MCM10: variants seen among roughly 807,000 people sequenced by gnomAD.
MCM10 encodes the protein minichromosome maintenance 10 replication initiation factor.
A neutral mutation model predicts 109.9 loss-of-function variants in MCM10; 91 were observed. The observed-to-expected ratio is 0.83, with a 90% CI of 0.70 to 0.99. MCM10 has a LOEUF of 0.99. MCM10 is among the 50% of genes least tolerant of loss of function. MCM10 has a pLI of 0.00. For missense variants in MCM10, 1,077 were observed against 1,061.2 expected (o/e 1.01, Z -0.21); for synonymous variants, 380 against 387.2 (o/e 0.98, Z 0.22).
At chr10:13,171,820 A>G (rs1039829515) in intron 3 of MCM10, among the ~76,000 whole-genome samples, 1 of 151,766 alleles carries the variant, frequency 6.6e-6, no homozygotes. Flanking sequence ...GCTGGAGTAC[A>G]GTGGTGCAAT....
At chr10:13,163,361 T>C (rs561314164) in intron 1 of MCM10, among the ~76,000 whole-genome samples, 10 of 152,298 alleles carry the variant, frequency 6.6e-5, no homozygotes, top group Admixed American at 5.2e-4. Flanking sequence ...AGTACCATAA[T>C]CACTGTAATT....
At chr10:13,181,109 G>GT (rs2131568887) in intron 7 of MCM10, among the ~76,000 whole-genome samples, 1 of 152,342 alleles carries the variant, frequency 6.6e-6, no homozygotes, top group Admixed American at 6.5e-5. Flanking sequence ...AAATGGGAAA[G>GT]TTATTCTGTG....
Position 13,204,994 on chromosome 10 carries a change from G to GTGTA in MCM10, c.2498+631_2498+632insGTAT, listed in dbSNP as rs1834553548. On this transcript the variant is annotated intron_variant, in intron 18 of 19. Transcript: ENST00000378714. ...TTTATTGTGCTTCTCATGTATGTAT[G>GTGTA]TATGTATGTATATATATATATATAT... Among the ~76,000 whole-genome samples, 3 of 123,382 alleles carry GTGTA rather than the reference G, an allele frequency of 2.4e-5. No individual in the cohort carries two copies. The Admixed American group carries it at 2.6e-4, about 10-fold the overall frequency. The allele number at this position is 123,382 out of a possible 152,430, so 80.9% of individuals were successfully genotyped here.
intron 17 of MCM10, among the ~76,000 whole-genome samples, chr10:13,203,233 G>A (rs571295682): frequency 6.6e-6 from 1 of 152,198 alleles, no homozygotes; most frequent in Non-Finnish European, 1.5e-5. Flanking sequence ...TCCTGCAGAC[G>A]GGGCTGCAGT....
rs149682135 is a variant in MCM10 at position 13,166,599 on chromosome 10, C to T, written c.7+2390C>T. 2.7e-4 allele frequency among the ~76,000 whole-genome samples: 40 copies of T among 146,956 alleles called. No individual in the cohort carries two copies. In the East Asian group the frequency reaches 7.6e-3, roughly 28 times the overall value. Reference sequence around the variant, plus strand: ...GCAGTGAGCCGAGATCGTGCCATTGCACTCCAGCCTGGGCAACAAGAGCAA... The same window carrying T: ...GCAGTGAGCCGAGATCGTGCCATTGTACTCCAGCCTGGGCAACAAGAGCAA... On this transcript the variant is annotated intron_variant, in intron 2 of 19. Transcript: ENST00000378714.
chr10:13,167,564 A>G (rs1427881685), intron 2 of MCM10, among the ~76,000 whole-genome samples: 1 of 145,342 alleles, frequency 6.9e-6, no homozygotes, highest in Non-Finnish European at 1.5e-5. Context: ...GGGTGATAAC[A>G]GTAGAGATGG....
At chr10:13,199,285 T>A (rs1434975774) in intron 16 of MCM10, among the ~76,000 whole-genome samples, 1 of 152,252 alleles carries the variant, frequency 6.6e-6, no homozygotes, top group African/African-American at 2.4e-5. Flanking sequence ...GAATTTCTAA[T>A]AAATTTTAGC....
chr10:13,207,854 T>A (rs987624674), intron 18 of MCM10, among the ~76,000 whole-genome samples: 3 of 152,150 alleles, frequency 2.0e-5, no homozygotes, highest in African/African-American at 7.2e-5. Context: ...GAGAACAGAC[T>A]AATGAGAACG....
At chr10:13,184,084 C>T (rs1235324146) in intron 8 of MCM10, among the ~76,000 whole-genome samples, 3 of 152,060 alleles carry the variant, frequency 2.0e-5, no homozygotes, top group Non-Finnish European at 4.4e-5. Flanking sequence ...TTTTGAACTC[C>T]TGACCTCAGG....
intron 2 of MCM10, among the ~76,000 whole-genome samples, chr10:13,170,678 TTTTGTTTG>T (rs747445575): frequency 4.6e-5 from 7 of 151,360 alleles, no homozygotes; most frequent in African/African-American, 1.5e-4. Flanking sequence ...TTTTTGTTTT[TTTTGTTTG>T]TTTGTTTGTT....
At chr10:13,208,566 CAAAA>C (rs55683228) in intron 18 of MCM10, among the ~76,000 whole-genome samples, 12,244 of 114,436 alleles carry the variant, frequency 0.11, 710 homozygotes, top group African/African-American at 0.2. Context: ...CCCATCTCTC[CAAAA>C]AAAAAAAAAA....
intron 2 of MCM10, among the ~76,000 whole-genome samples, chr10:13,167,013 C>T (rs1162574485): frequency 2.0e-5 from 3 of 152,008 alleles, no homozygotes; most frequent in African/African-American, 7.3e-5. Context: ...GTGGTGTGCA[C>T]CTCTAGTCCC....
chr10:13,197,691 G>C lies in MCM10; in HGVS notation c.2043G>C (p.Lys681Asn). The C allele has an allele frequency of 1.2e-6, 2 of 1,613,974 alleles. No homozygotes were observed. The highest frequency in any genetic ancestry group is 2.2e-5 in the South Asian group (2 of 91,078). The change falls in exon 15 of 20, where the codon AAG (lysine) becomes AAC (asparagine). Residue 681 changes from lysine (K) to asparagine (N), a missense_variant. Lys to Asn is a moderately conservative substitution (Grantham distance 94). Transcript: ENST00000378714. ...VLTKTNPNSI[K>N]KKQKDPQDIL... ...CAAAAACAAACCCAAACAGCATTAA[G>C]AAGAAACAAAAGGACCCTCAGGACA...
chr10:13,201,785 C>G (rs1834503726), intron 17 of MCM10: 3 of 452,336 alleles, frequency 6.6e-6, no homozygotes, highest in African/African-American at 4.0e-5. Flanking sequence ...TTGGATGGGT[C>G]CTAACATCTC....
intron 18 of MCM10, 198 bp downstream of exon 18, chr10:13,204,562 C>T (rs1465965889): frequency 1.7e-6 from 1 of 581,548 alleles, no homozygotes; most frequent in Admixed American, 3.1e-5. Context: ...GTCCCCAACA[C>T]CTAATATAGT....
At position 13,166,649 on chromosome 10, in the gene MCM10, A is replaced by ACATATATATATATAT. The variant is rs1554773845; in HGVS notation, c.7+2440_7+2441insCATATATATATATAT. Among the ~76,000 whole-genome samples, 8 of 41,510 alleles carry ACATATATATATATAT rather than the reference A, an allele frequency of 1.9e-4. 1 individual carries two copies. Among genetic ancestry groups the ACATATATATATATAT allele is most frequent in the African/African-American group, 5.4e-4 (7 of 12,896 alleles). 27.2% of individuals were successfully genotyped at this position (41,510 alleles called of 152,430 possible). A position where few individuals can be genotyped will look rare whatever the true frequency, so the allele number is the denominator to read the frequency against. ...AAACTCTGTCTCAAAAAAAAAAAAA[A>ACATATATATATATAT]ATACATACATACATATATATATATA... On this transcript the variant is annotated intron_variant, in intron 2 of 19. Coordinates refer to ENST00000378714, the MANE Select transcript of MCM10 (RefSeq NM_018518.5).
At chr10:13,187,288 G>A (rs189626211) in intron 9 of MCM10, among the ~76,000 whole-genome samples, 21 of 152,264 alleles carry the variant, frequency 1.4e-4, no homozygotes, top group African/African-American at 3.9e-4. Flanking sequence ...CAATTGATCC[G>A]TGCTGTAGCA....
At chr10:13,163,806 C>T (rs985264227) in intron 1 of MCM10, among the ~76,000 whole-genome samples, 1 of 152,176 alleles carries the variant, frequency 6.6e-6, no homozygotes, top group African/African-American at 2.4e-5. Flanking sequence ...GCTGGTATTA[C>T]AGGCGTTGAG....
chr10:13,190,511 C>T (rs368971214), intron 10 of MCM10, among the ~76,000 whole-genome samples: 3 of 121,438 alleles, frequency 2.5e-5, no homozygotes, highest in African/African-American at 9.2e-5. Flanking sequence ...TGGCAAAACC[C>T]CATCTCTACA....
Sources: gnomAD v4.1 joint callset for allele counts (sites outside exome capture counted in the v4.1 genomes callset) on GRCh38, gnomAD v4.1.1 for gene constraint, MANE v1.5 for transcripts, NCBI Gene and HGNC (gene_info 2026-07-23, HGNC 2026-07-21) for gene names.